The following QTMAN variants were observed in gnomAD, a reference collection of about 807,000 sequenced individuals.
QTMAN encodes the protein tRNA-queuosine alpha-mannosyltransferase.
the QTMAN span, among the ~76,000 whole-genome samples, chr2:143,985,131 ATGC>A: frequency 2.0e-5 from 3 of 152,224 alleles, no homozygotes; most frequent in African/African-American, 4.8e-5. Context: ...GCATTGTAAC[ATGC>A]TTGGATGCTG....
At chr2:144,244,407 G>A in the QTMAN span, among the ~76,000 whole-genome samples, 2 of 152,282 alleles carry the variant, frequency 1.3e-5, no homozygotes, top group South Asian at 2.1e-4. Flanking sequence ...GTAACAACTT[G>A]CTAAAGCCCT....
chr2:144,271,350 C>T, the QTMAN span, among the ~76,000 whole-genome samples: 10 of 152,178 alleles, frequency 6.6e-5, no homozygotes, highest in Non-Finnish European at 1.5e-4. Flanking sequence ...ATCCATGCTG[C>T]TTTCTTAATC....
chr2:144,044,424 T>C, the QTMAN span, among the ~76,000 whole-genome samples: 4 of 152,162 alleles, frequency 2.6e-5, no homozygotes, highest in Non-Finnish European at 5.9e-5. Flanking sequence ...CAAATGCAGT[T>C]GCAAATCTTA....
the QTMAN span, among the ~76,000 whole-genome samples, chr2:144,094,424 A>G: frequency 6.6e-6 from 1 of 152,360 alleles, no homozygotes; most frequent in South Asian, 2.1e-4. Context: ...GCTACGAAGA[A>G]ATATCCAAGA....
the QTMAN span, among the ~76,000 whole-genome samples, chr2:143,990,736 G>A: frequency 3.3e-5 from 5 of 151,976 alleles, no homozygotes; most frequent in Admixed American, 6.6e-5. Context: ...ATATAGGCTC[G>A]TGATCAAAAT....
the QTMAN span, among the ~76,000 whole-genome samples, chr2:144,133,856 A>T: frequency 1.3e-5 from 2 of 151,934 alleles, no homozygotes; most frequent in African/African-American, 4.8e-5. Context: ...GTTAAGTTTA[A>T]ATTTGTAAAG....
the QTMAN span, among the ~76,000 whole-genome samples, chr2:143,965,196 T>C: frequency 5.3e-5 from 8 of 152,156 alleles, no homozygotes; most frequent in Admixed American, 5.2e-4. Context: ...GCAGATGCTT[T>C]ATGTAGCAGA....
chr2:144,051,311 A>G, the QTMAN span, among the ~76,000 whole-genome samples: 3 of 152,062 alleles, frequency 2.0e-5, no homozygotes, highest in African/African-American at 7.2e-5. Context: ...TAGGAGGACT[A>G]CTTGAGGCCA....
chr2:144,324,723 G>A, the QTMAN span, among the ~76,000 whole-genome samples: 7 of 152,148 alleles, frequency 4.6e-5, no homozygotes, highest in South Asian at 4.1e-4. Context: ...AGACCAAGAG[G>A]TGAAAAGGAA....
chr2:144,271,452 G>T, the QTMAN span, among the ~76,000 whole-genome samples: 1 of 152,118 alleles, frequency 6.6e-6, no homozygotes, highest in Admixed American at 6.5e-5. Flanking sequence ...ATTAGTTTAC[G>T]AATTATCCAT....
At chr2:144,207,166 A>C in the QTMAN span, among the ~76,000 whole-genome samples, 1 of 152,234 alleles carries the variant, frequency 6.6e-6, no homozygotes, top group African/African-American at 2.4e-5. Flanking sequence ...AAAACATTAA[A>C]TCATGTAAAG....
the QTMAN span, among the ~76,000 whole-genome samples, chr2:144,094,419 G>A: frequency 4.6e-5 from 7 of 152,124 alleles, no homozygotes; most frequent in Admixed American, 2.6e-4. Flanking sequence ...ATACTGCTAC[G>A]AAGAAATATC....
chr2:143,944,340 A>G, the QTMAN span: 1 of 152,208 alleles, frequency 6.6e-6, no homozygotes, highest in Non-Finnish European at 1.5e-5. Flanking sequence ...AGCAACTCTG[A>G]CATTACAGTC....
the QTMAN span, chr2:143,970,719 G>A: frequency 1.2e-6 from 2 of 1,607,202 alleles, no homozygotes; most frequent in East Asian, 4.5e-5. Context: ...TCTTTAAGAT[G>A]CATTAATACC....
chr2:144,087,980 A>T, the QTMAN span, among the ~76,000 whole-genome samples: 2 of 152,192 alleles, frequency 1.3e-5, no homozygotes, highest in East Asian at 3.9e-4. Flanking sequence ...AATAGGAAAA[A>T]ATAAAAGGCA....
At chr2:144,046,503 G>C in the QTMAN span, among the ~76,000 whole-genome samples, 6 of 152,300 alleles carry the variant, frequency 3.9e-5, no homozygotes, top group African/African-American at 1.4e-4. Context: ...CTCTTGAATA[G>C]CTGGAACTAT....
At chr2:144,038,431 A>G in the QTMAN span, among the ~76,000 whole-genome samples, 1 of 152,226 alleles carries the variant, frequency 6.6e-6, no homozygotes, top group Non-Finnish European at 1.5e-5. Flanking sequence ...AACTGTTGAA[A>G]AACAATGATA....
At chr2:144,126,515 T>A in the QTMAN span, among the ~76,000 whole-genome samples, 1 of 152,084 alleles carries the variant, frequency 6.6e-6, no homozygotes, top group African/African-American at 2.4e-5. Flanking sequence ...ACAGTATGTA[T>A]TTGAGGGGAT....
chr2:143,964,640 T>C, the QTMAN span, among the ~76,000 whole-genome samples: 1 of 152,080 alleles, frequency 6.6e-6, no homozygotes, highest in Non-Finnish European at 1.5e-5. Flanking sequence ...AGCTGGGAGC[T>C]GAGTGAAGGA....
Sources: allele counts gnomAD v4.1 joint callset (sites outside exome capture counted in the v4.1 genomes callset), GRCh38; gene constraint gnomAD v4.1.1; transcripts MANE v1.5; gene names NCBI Gene and HGNC (gene_info 2026-07-23, HGNC 2026-07-21).